Variants in BMAL2 observed in about 807,000 individuals in gnomAD.
The protein encoded by BMAL2 is basic helix-loop-helix ARNT-like protein 2.
chr12:27,347,781 C>A, the BMAL2 span, among the ~76,000 whole-genome samples: 1 of 152,174 alleles, frequency 6.6e-6, no homozygotes, highest in South Asian at 2.1e-4. Context: ...CTAGGAAGAA[C>A]CAACCTTAGT....
the BMAL2 span, among the ~76,000 whole-genome samples, chr12:27,385,048 TCACTCCTGTAATCCCAG>T: frequency 6.6e-6 from 1 of 152,130 alleles, no homozygotes; most frequent in Non-Finnish European, 1.5e-5. Context: ...GCGTAGTGGC[TCACTCCTGTAATCCCAG>T]CACTTTGGGA....
At chr12:27,374,360 T>C in the BMAL2 span, among the ~76,000 whole-genome samples, 8 of 152,166 alleles carry the variant, frequency 5.3e-5, no homozygotes, top group Admixed American at 2.6e-4. Context: ...ACAATTTACA[T>C]AGCATTTACA....
At chr12:27,403,495 G>A in the BMAL2 span, 19 of 1,610,834 alleles carry the variant, frequency 1.2e-5, no homozygotes, top group Non-Finnish European at 1.6e-5. Context: ...ACTTGGTGCT[G>A]GTAGTATTGG....
At chr12:27,336,403 A>G in the BMAL2 span, among the ~76,000 whole-genome samples, 2 of 152,142 alleles carry the variant, frequency 1.3e-5, no homozygotes, top group Admixed American at 6.5e-5. Context: ...GCCAGTGGGA[A>G]CTAAGAGCCT....
the BMAL2 span, chr12:27,389,255 C>A: frequency 1.2e-6 from 2 of 1,611,904 alleles, no homozygotes; most frequent in Non-Finnish European, 1.7e-6. Context: ...CAACTTTCTT[C>A]TTTTGATATT....
the BMAL2 span, among the ~76,000 whole-genome samples, chr12:27,384,022 A>AC: frequency 6.6e-6 from 1 of 152,162 alleles, no homozygotes; most frequent in Admixed American, 6.5e-5. Flanking sequence ...TAAGGATGTT[A>AC]CCCCACCTTT....
At chr12:27,412,642 T>C in the BMAL2 span, among the ~76,000 whole-genome samples, 4,936 of 152,086 alleles carry the variant, frequency 0.032, 108 homozygotes, top group Non-Finnish European at 0.046. Context: ...TGTACACATG[T>C]GTGTGTCCCA....
the BMAL2 span, chr12:27,370,123 T>C: frequency 6.2e-7 from 1 of 1,611,792 alleles, no homozygotes; most frequent in Non-Finnish European, 8.5e-7. Flanking sequence ...GCCTCCTTCC[T>C]TCCAGGTCAG....
chr12:27,406,854 T>C, the BMAL2 span, among the ~76,000 whole-genome samples: 20 of 152,130 alleles, frequency 1.3e-4, no homozygotes, highest in African/African-American at 4.8e-4. Flanking sequence ...ACCCATCTCA[T>C]GTGCAGAGAC....
the BMAL2 span, among the ~76,000 whole-genome samples, chr12:27,414,849 A>G: frequency 0.022 from 3,351 of 152,204 alleles, 128 homozygotes; most frequent in African/African-American, 0.077. Flanking sequence ...TGGGTTTTTG[A>G]AAAATAAAAT....
chr12:27,347,970 C>G, the BMAL2 span, among the ~76,000 whole-genome samples: 1 of 152,180 alleles, frequency 6.6e-6, no homozygotes, highest in African/African-American at 2.4e-5. Flanking sequence ...GTCTGACAGA[C>G]ATGTCATAAT....
At chr12:27,342,861 A>G in the BMAL2 span, among the ~76,000 whole-genome samples, 5 of 152,216 alleles carry the variant, frequency 3.3e-5, no homozygotes, top group African/African-American at 1.2e-4. Context: ...CTTTAGGACA[A>G]TTCTCCTTTT....
At chr12:27,409,847 G>T in the BMAL2 span, among the ~76,000 whole-genome samples, 680 of 152,092 alleles carry the variant, frequency 4.5e-3, 2 homozygotes, top group African/African-American at 0.012. Context: ...TCTACTCATC[G>T]GACAAAGGGC....
the BMAL2 span, among the ~76,000 whole-genome samples, chr12:27,347,881 T>C: frequency 6.6e-6 from 1 of 152,186 alleles, no homozygotes; most frequent in African/African-American, 2.4e-5. Flanking sequence ...CAAATCCACA[T>C]CTTACCTTAA....
chr12:27,374,319 GTTA>G, the BMAL2 span, among the ~76,000 whole-genome samples: 2 of 151,722 alleles, frequency 1.3e-5, no homozygotes, highest in Non-Finnish European at 2.9e-5. Context: ...AATTTTTCTT[GTTA>G]TTATTCTCTA....
chr12:27,358,706 A>T, the BMAL2 span, among the ~76,000 whole-genome samples: 2 of 152,156 alleles, frequency 1.3e-5, no homozygotes, highest in South Asian at 4.1e-4. Context: ...ATCTAGGTCT[A>T]ATTTCATTCT....
At chr12:27,384,637 G>A in the BMAL2 span, among the ~76,000 whole-genome samples, 60 of 152,212 alleles carry the variant, frequency 3.9e-4, 1 homozygote, top group African/African-American at 1.2e-3. Context: ...TGAACCCTAG[G>A]CATAGTACTT....
the BMAL2 span, among the ~76,000 whole-genome samples, chr12:27,420,019 G>GCGCGCGCACACACACA: frequency 0.014 from 2,117 of 147,550 alleles, 53 homozygotes; most frequent in African/African-American, 0.05. Flanking sequence ...GTTTGCGCGT[G>GCGCGCGCACACACACA]CACACACACA....
At chr12:27,405,367 C>A in the BMAL2 span, among the ~76,000 whole-genome samples, 1 of 152,224 alleles carries the variant, frequency 6.6e-6, no homozygotes, top group Non-Finnish European at 1.5e-5. Context: ...AAGACTGACA[C>A]CTCACACGGC....
Sources: allele counts gnomAD v4.1 joint callset (sites outside exome capture counted in the v4.1 genomes callset), GRCh38; gene constraint gnomAD v4.1.1; transcripts MANE v1.5; gene names NCBI Gene and HGNC (gene_info 2026-07-23, HGNC 2026-07-21).